The following GINS2 variants were observed in gnomAD, a reference collection of about 807,000 sequenced individuals.
GINS2 encodes GINS complex subunit 2, also known as DNA replication complex GINS protein PSF2.
GINS2 carries 23 observed loss-of-function variants against 21.2 expected under a neutral mutation model. The observed-to-expected ratio is 1.08, with a 90% CI of 0.78 to 1.53. The LOEUF is 1.53. Ranked by LOEUF, GINS2 falls within the 40% of genes most tolerant of loss-of-function variation. The pLI, the probability that GINS2 is intolerant of heterozygous loss-of-function variation, is 0.00. For missense variants in GINS2, 323 were observed against 233.9 expected, an observed-to-expected ratio of 1.38 and a Z score of -2.49; for synonymous variants, 118 against 85.6, an observed-to-expected ratio of 1.38 and a Z score of -2.09.
intron 2 of GINS2, among the ~76,000 whole-genome samples, chr16:85,682,257 G>A (rs572301463): frequency 2.6e-5 from 4 of 152,060 alleles, no homozygotes; most frequent in East Asian, 1.9e-4. Flanking sequence ...TCAAGTGATC[G>A]CCCTGCCTCA....
In GINS2 at chr16:85,688,935, C is replaced by G. The variant is rs12928692; in HGVS notation, c.-37G>C. On this transcript the variant is annotated 5_prime_UTR_variant, in exon 1 of 5. Transcript: ENST00000253462. ...CTGCAGGCCAGAGCCTCACGGTCTC[C>G]TCGGGCCCCTCAGCGTCCCGGAGGA... 3 of 1,430,514 alleles carry G rather than the reference C, an allele frequency of 2.1e-6. No individual in the cohort carries two copies. Among genetic ancestry groups the G allele is most frequent in the Non-Finnish European group, 9.5e-7 (1 of 1,054,780 alleles). 88.6% of individuals were successfully genotyped at this position (1,430,514 alleles called of 1,614,324 possible). A position where few individuals can be genotyped will look rare whatever the true frequency, so the allele number is the denominator to read the frequency against.
chr16:85,678,938 G>C (rs1195895581), intron 3 of GINS2, among the ~76,000 whole-genome samples: 2 of 152,232 alleles, frequency 1.3e-5, no homozygotes. Context: ...TAGAGAATCA[G>C]CTCTAAGTCA....
intron 2 of GINS2, among the ~76,000 whole-genome samples, chr16:85,683,716 G>C (rs183643113): frequency 1.3e-5 from 2 of 152,222 alleles, no homozygotes; most frequent in African/African-American, 4.8e-5. Flanking sequence ...TGCTTGCCTG[G>C]ATTCATTCCC....
chr16:85,683,207 G>C (rs1284998672), intron 2 of GINS2, among the ~76,000 whole-genome samples: 1 of 151,990 alleles, frequency 6.6e-6, no homozygotes, highest in Non-Finnish European at 1.5e-5. Flanking sequence ...ACCCCTCTGA[G>C]CTTGCTTATG....
chr16:85,688,552 C>CA (rs1567794161), intron 1 of GINS2, among the ~76,000 whole-genome samples: 1 of 152,086 alleles, frequency 6.6e-6, no homozygotes, highest in Non-Finnish European at 1.5e-5. Flanking sequence ...CCTCAAAAAC[C>CA]AAAAAACAAA....
chr16:85,683,287 C>T (rs2053749380), intron 2 of GINS2, among the ~76,000 whole-genome samples: 1 of 152,062 alleles, frequency 6.6e-6, no homozygotes. Flanking sequence ...ACAAAGAGCT[C>T]AGCTCCCAAC....
At position 85,677,881 on chromosome 16, in the gene GINS2, C is replaced by G. The variant is rs1280903202; in HGVS notation, c.*331G>C. On this transcript the variant is annotated 3_prime_UTR_variant, in exon 5 of 5. Transcript: ENST00000253462. ...ATCTACACCTACCAGTCACTGAACA[C>G]CTGCCCAAGTGTGATGGCTTCCATG... 4.5e-6 allele frequency: 1 copy of G among 219,830 alleles called. No individual in the cohort carries two copies. The highest frequency in any genetic ancestry group is 9.1e-6 in the Non-Finnish European group (1 of 109,958). The allele number at this position is 219,830 out of a possible 1,614,324, so 13.6% of individuals were successfully genotyped here. A position where few individuals can be genotyped will look rare whatever the true frequency, so the allele number is the denominator to read the frequency against.
intron 2 of GINS2, among the ~76,000 whole-genome samples, chr16:85,685,534 G>A (rs2053767034): frequency 6.6e-6 from 1 of 151,786 alleles, no homozygotes; most frequent in East Asian, 1.9e-4. Flanking sequence ...AGTCAGGCAT[G>A]ATGGTGCACA....
chr16:85,681,646 C>G lies in GINS2; in HGVS notation c.241G>C (p.Glu81Gln). 6.2e-7 allele frequency: 1 copy of G among 1,612,510 alleles called. No individual in the cohort carries two copies. The highest frequency in any genetic ancestry group is 8.5e-7 in the Non-Finnish European group (1 of 1,178,632). ...LEKMRDHERKEETFTPMPSPY... is the reference protein window; with the variant it reads ...LEKMRDHERKQETFTPMPSPY... Reference sequence around the variant, plus strand: ...CTGGGCATTGGGGTAAAAGTTTCTTCCTTTCGTTCATGATCCCTCATCTTC... The same window carrying G: ...CTGGGCATTGGGGTAAAAGTTTCTTGCTTTCGTTCATGATCCCTCATCTTC... The change falls in exon 3 of 5, where the codon GAA becomes CAA. Residue 81 changes from glutamate to glutamine, a missense_variant. Coordinates refer to ENST00000253462, the MANE Select transcript of GINS2 (RefSeq NM_016095.3).
intron 3 of GINS2, among the ~76,000 whole-genome samples, chr16:85,680,356 G>A (rs13334690): frequency 0.01 from 1,526 of 152,334 alleles, 28 homozygotes; most frequent in African/African-American, 0.035. Flanking sequence ...CTGCTCTGCA[G>A]CATGCAGTAG....
At chr16:85,688,616 G>C (rs934513824) in intron 1 of GINS2, among the ~76,000 whole-genome samples, 193 bp downstream of exon 1, 1 of 152,240 alleles carries the variant, frequency 6.6e-6, no homozygotes, top group Non-Finnish European at 1.5e-5. Context: ...GGCGTTCGGG[G>C]CACTGGCAAA....
intron 2 of GINS2, among the ~76,000 whole-genome samples, chr16:85,682,636 G>A (rs2053743841): frequency 2.0e-5 from 3 of 151,950 alleles, no homozygotes; most frequent in African/African-American, 7.3e-5. Flanking sequence ...CACCCCAGCC[G>A]GGAGGAGGCA....
intron 3 of GINS2, among the ~76,000 whole-genome samples, chr16:85,681,055 G>A (rs190244847): frequency 7.9e-4 from 121 of 152,350 alleles, no homozygotes; most frequent in Non-Finnish European, 1.2e-3. Flanking sequence ...AACAAGCTAC[G>A]GAGTTACTAC....
Position 85,676,885 on chromosome 16 carries a change from A to T in GINS2, c.*1327T>A, listed in dbSNP as rs2053679107. 1 of 152,210 alleles carries T rather than the reference A, an allele frequency of 6.6e-6. No individual in the cohort carries two copies. Among genetic ancestry groups the T allele is most frequent in the Admixed American group, 6.5e-5 (1 of 15,282 alleles). The allele number at this position is 152,210 out of a possible 1,614,324, so 9.4% of individuals were successfully genotyped here. A position where few individuals can be genotyped will look rare whatever the true frequency, so the allele number is the denominator to read the frequency against. ...AAAGTTAAAATTTTTTTTGTTTGAG[A>T]CAGAGTCTTGCTCTCGTTGCCCAGG... On this transcript the variant is annotated 3_prime_UTR_variant, in exon 5 of 5. Transcript: ENST00000253462.
intron 2 of GINS2, among the ~76,000 whole-genome samples, chr16:85,686,604 A>T (rs1172136088): frequency 6.6e-6 from 1 of 152,194 alleles, no homozygotes; most frequent in Non-Finnish European, 1.5e-5. Context: ...CCCATACTTA[A>T]GCAACTACTA....
chr16:85,684,666 C>G (rs901603982), intron 2 of GINS2, among the ~76,000 whole-genome samples: 44 of 151,568 alleles, frequency 2.9e-4, no homozygotes, highest in African/African-American at 1.1e-3. Context: ...GAGCTGAGCT[C>G]TGTGTCCCGG....
chr16:85,681,094 C>T, intron 3 of GINS2, among the ~76,000 whole-genome samples: 1 of 152,214 alleles, frequency 6.6e-6, no homozygotes, highest in African/African-American at 2.4e-5. Context: ...AGTGGGCTTT[C>T]CTGTAACCCA....
rs1376583365 is a variant in GINS2 at position 85,687,407 on chromosome 16, C to A, written c.205+53G>T. On this transcript the variant is annotated intron_variant, in intron 2 of 4. Coordinates refer to ENST00000253462, the MANE Select transcript of GINS2 (RefSeq NM_016095.3). ...GCCTCCACCCCGTGGGAGAGGGCGT[C>A]ACCCCAAGCCCAGCCCCACCCACGC... is the stretch of plus-strand genomic sequence containing the variant. 3.7e-6 allele frequency: 4 copies of A among 1,066,864 alleles called. No homozygotes were observed. In the African/African-American group the frequency reaches 6.5e-5, roughly 17 times the overall value. The allele number at this position is 1,066,864 out of a possible 1,614,324, so 66.1% of individuals were successfully genotyped here. A position where few individuals can be genotyped will look rare whatever the true frequency, so the allele number is the denominator to read the frequency against.
At position 85,676,449 on chromosome 16, in the gene GINS2, C is replaced by G. The variant is rs2152049302; in HGVS notation, c.*1763G>C. 6.6e-6 allele frequency: 1 copy of G among 152,332 alleles called. No homozygotes were observed. The highest frequency in any genetic ancestry group is 6.5e-5 in the Admixed American group (1 of 15,302). The allele number at this position is 152,332 out of a possible 1,614,324, so 9.4% of individuals were successfully genotyped here. A position where few individuals can be genotyped will look rare whatever the true frequency, so the allele number is the denominator to read the frequency against. ...TGAGCTGAACCAAGTCTGAACAGCA[C>G]CTTAAATTATGGAGACCTCATCTTT... is the stretch of plus-strand genomic sequence containing the variant. On this transcript the variant is annotated 3_prime_UTR_variant, in exon 5 of 5. Transcript: ENST00000253462.
Sources: allele counts gnomAD v4.1 joint callset (sites outside exome capture counted in the v4.1 genomes callset), GRCh38; gene constraint gnomAD v4.1.1; transcripts MANE v1.5; gene names NCBI Gene and HGNC (gene_info 2026-07-23, HGNC 2026-07-21).